The following NTRK2 variants were observed in gnomAD, a reference collection of about 807,000 sequenced individuals.
NTRK2 encodes neurotrophic receptor tyrosine kinase 2, also known as BDNF/NT-3 growth factors receptor.
Under a neutral mutation model 94.5 loss-of-function variants are expected in NTRK2, and 13 were observed. The ratio of observed to expected loss-of-function variants is 0.14; its 90% confidence interval spans 0.09 to 0.22. The LOEUF (loss-of-function observed/expected upper bound fraction) is 0.22, where lower values mean the gene tolerates loss of function less well. NTRK2 is among the 10% of genes least tolerant of loss of function. NTRK2 has a pLI of 1.00. For synonymous variants in NTRK2, 372 were observed against 407.4 expected (o/e 0.91, Z 1.05); for missense variants, 639 against 1,071.2 (o/e 0.60, Z 5.63).
intron 17 of NTRK2, among the ~76,000 whole-genome samples, chr9:84,962,855 T>G (rs1300769445): frequency 2.0e-5 from 3 of 152,242 alleles, no homozygotes. Flanking sequence ...TTCAAGTCTC[T>G]GATTTCCTTT....
rs199957207 is a variant in NTRK2, at chr9:84,710,752, A to G, written c.544A>G (p.Lys182Glu). The change falls in exon 6 of 19, where the codon AAG (lysine) becomes GAG (glutamate). Residue 182 changes from lysine to glutamate, a missense_variant. Physicochemically the swap from Lys to Glu is moderately conservative, Grantham distance 56. Around this residue, in one of 5 missense-constraint regions of NTRK2, gnomAD observed 206 missense variants for 251.5 expected, o/e 0.82. Transcript: ENST00000277120. ...QDLYCLNESSKNIPLANLQIP... is the reference protein window; with the variant it reads ...QDLYCLNESSENIPLANLQIP... ...TTTGTACTGCCTGAATGAAAGCAGC[A>G]AGAATATTCCCCTGGCAAACCTGCA... 1.2e-6 allele frequency: 2 copies of G among 1,614,074 alleles called. No individual in the cohort carries two copies. Among genetic ancestry groups the G allele is most frequent in the Admixed American group, 1.7e-5 (1 of 60,000 alleles).
At chr9:84,759,595 A>G (rs927564058) in intron 12 of NTRK2, among the ~76,000 whole-genome samples, 1 of 152,212 alleles carries the variant, frequency 6.6e-6, no homozygotes, top group Non-Finnish European at 1.5e-5. Context: ...TAGATTTTGT[A>G]CTTAAAGGTC....
At chr9:84,897,709 T>A (rs2076800924) in intron 14 of NTRK2, among the ~76,000 whole-genome samples, 1 of 152,162 alleles carries the variant, frequency 6.6e-6, no homozygotes, top group Non-Finnish European at 1.5e-5. Context: ...AAGCCCTTCC[T>A]CCACACCCTC....
At chr9:84,787,991 A>G (rs570180269) in intron 12 of NTRK2, among the ~76,000 whole-genome samples, 1 of 152,320 alleles carries the variant, frequency 6.6e-6, no homozygotes, top group African/African-American at 2.4e-5. Context: ...TCACAATGCT[A>G]CTTATAAGGC....
At chr9:84,700,418 G>A (rs1423012159) in intron 2 of NTRK2, among the ~76,000 whole-genome samples, 4 of 152,136 alleles carry the variant, frequency 2.6e-5, no homozygotes, top group Admixed American at 6.5e-5. Flanking sequence ...AGAAGGGAAC[G>A]AAAGCTTCCT....
intron 14 of NTRK2, among the ~76,000 whole-genome samples, chr9:84,881,182 A>T (rs922534524): frequency 9.2e-5 from 14 of 152,246 alleles, no homozygotes; most frequent in Non-Finnish European, 1.5e-4. Flanking sequence ...ATGAATCTCG[A>T]AATATTTGCC....
At chr9:84,839,051 A>G (rs1372071533) in intron 12 of NTRK2, among the ~76,000 whole-genome samples, 1 of 152,188 alleles carries the variant, frequency 6.6e-6, no homozygotes, top group African/African-American at 2.4e-5. Flanking sequence ...CTTTATGACT[A>G]TAGTAATTAA....
intron 14 of NTRK2, among the ~76,000 whole-genome samples, chr9:84,891,088 A>T (rs2076580310): frequency 6.6e-6 from 1 of 152,124 alleles, no homozygotes; most frequent in Non-Finnish European, 1.5e-5. Context: ...TGTCAGTTTG[A>T]TAGGAAAGTC....
chr9:84,778,122 G>C (rs1264485514), intron 12 of NTRK2, among the ~76,000 whole-genome samples: 1 of 152,126 alleles, frequency 6.6e-6, no homozygotes, highest in Non-Finnish European at 1.5e-5. Context: ...AATTAGCCCA[G>C]AGTGGTGGCG....
intron 12 of NTRK2, among the ~76,000 whole-genome samples, chr9:84,844,403 G>T (rs568259364): frequency 2.1e-4 from 32 of 152,102 alleles, no homozygotes; most frequent in Admixed American, 4.6e-4. Flanking sequence ...ATAAGTCAGA[G>T]AATTTTTGTA....
intron 14 of NTRK2, among the ~76,000 whole-genome samples, chr9:84,929,564 T>C (rs1221094619): frequency 1.4e-5 from 2 of 147,078 alleles, no homozygotes; most frequent in South Asian, 4.2e-4. Context: ...TTTGGTTCCT[T>C]TTTTTTTTTT....
At chr9:84,933,210 G>C (rs1179458631) in intron 14 of NTRK2, among the ~76,000 whole-genome samples, 1 of 152,182 alleles carries the variant, frequency 6.6e-6, no homozygotes, top group Admixed American at 6.5e-5. Flanking sequence ...AGACCCAGCG[G>C]AACTCCCGTG....
intron 12 of NTRK2, among the ~76,000 whole-genome samples, chr9:84,795,775 C>T (rs2069243070): frequency 6.6e-6 from 1 of 152,136 alleles, no homozygotes; most frequent in South Asian, 2.1e-4. Context: ...ATTTTGGCTC[C>T]TTGCTCATGC....
At chr9:84,872,396 G>T in intron 14 of NTRK2, 2 of 1,088,708 alleles carry the variant, frequency 1.8e-6, no homozygotes, top group Non-Finnish European at 2.2e-6. Flanking sequence ...TTCTCCCGTC[G>T]GAGCAAACAC....
chr9:84,675,044 C>G (rs954469376), intron 2 of NTRK2, among the ~76,000 whole-genome samples: 1 of 152,160 alleles, frequency 6.6e-6, no homozygotes, highest in African/African-American at 2.4e-5. Context: ...GCAATGTGGT[C>G]CCAGTTCCCT....
In NTRK2 at chr9:84,723,601, T is replaced by C. The variant is rs754682437; in HGVS notation, c.612T>C (p.Pro204=). 8.7e-6 allele frequency: 14 copies of C among 1,614,048 alleles called. No individual in the cohort carries two copies. The highest frequency in any genetic ancestry group is 1.7e-5 in the Admixed American group (1 of 60,004). The part of the protein sequence containing the change: ...CGLPSANLAA[P]NLTVEEGKSI... ...TGCCATCTGCAAATCTGGCCGCACC[T>C]AACCTCACTGTGGAGGAAGGAAAGT... Residue 204 remains proline, a synonymous_variant, in exon 7 of 19, where the codon CCT becomes CCC. Transcript: ENST00000277120.
rs1832865792 is a variant in NTRK2, at chr9:85,023,143, G to A, written c.*1706G>A. The stretch of plus-strand genomic sequence containing the variant: ...CATAGTCATTGGTTTTGCAAAAAGA[G>A]GGCTCAAATTTAAATAGAAATTTAC... On this transcript the variant is annotated 3_prime_UTR_variant, in exon 19 of 19. Coordinates refer to ENST00000277120, the MANE Select transcript of NTRK2 (RefSeq NM_006180.6). The A allele has an allele frequency of 4.3e-6, 1 of 233,038 alleles. No homozygotes were observed. Among genetic ancestry groups the A allele is most frequent in the Non-Finnish European group, 8.5e-6 (1 of 117,926 alleles). The allele number at this position is 233,038 out of a possible 1,614,324, so 14.4% of individuals were successfully genotyped here.
intron 17 of NTRK2, among the ~76,000 whole-genome samples, chr9:84,993,680 C>T (rs76149009): frequency 0.014 from 2,179 of 152,302 alleles, 25 homozygotes; most frequent in Non-Finnish European, 0.023. Context: ...CTCTGGCCTG[C>T]GACATCCTGC....
intron 14 of NTRK2, chr9:84,875,878 C>A: frequency 9.6e-7 from 1 of 1,040,256 alleles, no homozygotes; most frequent in Non-Finnish European, 1.2e-6. Flanking sequence ...ATATTTTGCA[C>A]AGTAATATTA....
Sources: gnomAD v4.1 joint callset for allele counts (sites outside exome capture counted in the v4.1 genomes callset) on GRCh38, gnomAD v4.1.1 for gene constraint, gnomAD v4.1.1 regional missense constraint, MANE v1.5 for transcripts, NCBI Gene and HGNC (gene_info 2026-07-23, HGNC 2026-07-21) for gene names.